Variants in GRIN2B observed in about 807,000 individuals in gnomAD.
GRIN2B encodes glutamate ionotropic receptor NMDA type subunit 2B.
In GRIN2B, 5 loss-of-function variants were observed where a neutral mutation model predicts 114.5. That is an observed-to-expected ratio of 0.04 (90% CI 0.02 to 0.09). GRIN2B has a LOEUF of 0.09. Ranked by LOEUF, GRIN2B falls within the 10% of genes least tolerant of loss-of-function variation. The pLI, the probability that GRIN2B is intolerant of heterozygous loss-of-function variation, is 1.00. For missense variants in GRIN2B, 1,108 were observed against 1,943.5 expected (o/e 0.57, Z 8.08); for synonymous variants, 787 against 745.1 (o/e 1.06, Z -0.92).
At chr12:13,975,242 G>A (rs946213438) in intron 2 of GRIN2B, among the ~76,000 whole-genome samples, 5 of 152,338 alleles carry the variant, frequency 3.3e-5, no homozygotes, top group African/African-American at 9.6e-5. Flanking sequence ...CAACTCTGGC[G>A]TCAACTGATA....
At chr12:13,616,376 C>T in intron 6 of GRIN2B, 79 bp downstream of exon 6, 1 of 1,031,196 alleles carries the variant, frequency 9.7e-7, no homozygotes, top group Non-Finnish European at 1.5e-6. Flanking sequence ...TGCCTCAGGT[C>T]TCAGGCCAGC....
chr12:13,573,619 G>C (rs550993000), intron 10 of GRIN2B, among the ~76,000 whole-genome samples: 2 of 125,552 alleles, frequency 1.6e-5, no homozygotes, highest in African/African-American at 6.3e-5. Context: ...CTGTGCTTTG[G>C]CATCGGAACG....
intron 3 of GRIN2B, among the ~76,000 whole-genome samples, chr12:13,856,977 A>G (rs1865672538): frequency 6.6e-6 from 1 of 152,182 alleles, no homozygotes; most frequent in South Asian, 2.1e-4. Flanking sequence ...CAAATCTGTG[A>G]CAAATCTAAT....
At chr12:13,968,493 G>A (rs1867825724) in intron 2 of GRIN2B, among the ~76,000 whole-genome samples, 1 of 152,108 alleles carries the variant, frequency 6.6e-6, no homozygotes, top group Admixed American at 6.5e-5. Flanking sequence ...GGCCAGGGTG[G>A]GGCCAAGATG....
chr12:13,593,162 C>T (rs1272004618), intron 10 of GRIN2B, among the ~76,000 whole-genome samples: 2 of 152,162 alleles, frequency 1.3e-5, no homozygotes, highest in African/African-American at 2.4e-5. Context: ...GATCAAGCTA[C>T]CATTGACTTT....
chr12:13,914,447 T>C (rs887646948), intron 2 of GRIN2B, among the ~76,000 whole-genome samples: 9 of 152,132 alleles, frequency 5.9e-5, no homozygotes, highest in African/African-American at 2.2e-4. Context: ...TGTGGAGAAA[T>C]GGGAACCCTC....
chr12:13,905,243 T>G (rs1334303378), intron 2 of GRIN2B, among the ~76,000 whole-genome samples: 1 of 152,186 alleles, frequency 6.6e-6, no homozygotes, highest in African/African-American at 2.4e-5. Flanking sequence ...GGGGAAGGTC[T>G]CTCCCTGCTG....
At chr12:13,607,890 A>C (rs1378403065) in intron 10 of GRIN2B, among the ~76,000 whole-genome samples, 1 of 152,152 alleles carries the variant, frequency 6.6e-6, no homozygotes, top group African/African-American at 2.4e-5. Flanking sequence ...GTTTCAGGAG[A>C]CAGATCTCCC....
At chr12:13,781,591 G>A (rs1864114682) in intron 3 of GRIN2B, among the ~76,000 whole-genome samples, 1 of 152,202 alleles carries the variant, frequency 6.6e-6, no homozygotes, top group Non-Finnish European at 1.5e-5. Context: ...AAGCTGCTTA[G>A]TTTGAAGAAG....
chr12:13,776,590 C>G (rs1864007883), intron 3 of GRIN2B, among the ~76,000 whole-genome samples: 1 of 152,004 alleles, frequency 6.6e-6, no homozygotes, highest in African/African-American at 2.4e-5. Context: ...TACACGACAG[C>G]ACACATGTGC....
intron 2 of GRIN2B, among the ~76,000 whole-genome samples, chr12:13,889,575 G>A (rs573659565): frequency 2.7e-4 from 41 of 152,202 alleles, no homozygotes; most frequent in African/African-American, 9.6e-4. Flanking sequence ...GACAAATCAC[G>A]AGCAAGAGGT....
intron 3 of GRIN2B, among the ~76,000 whole-genome samples, chr12:13,759,007 T>C (rs1239695232): frequency 7.2e-6 from 1 of 138,416 alleles, no homozygotes; most frequent in Non-Finnish European, 1.6e-5. Flanking sequence ...AATTTTTTTT[T>C]TTTTTTTTTT....
chr12:13,735,674 A>G (rs1863163998), intron 4 of GRIN2B, among the ~76,000 whole-genome samples: 1 of 152,180 alleles, frequency 6.6e-6, no homozygotes, highest in Admixed American at 6.5e-5. Context: ...TGCTCAGGGG[A>G]CTAAGCACCT....
intron 3 of GRIN2B, among the ~76,000 whole-genome samples, chr12:13,862,256 C>T (rs2136742217): frequency 6.6e-6 from 1 of 152,332 alleles, no homozygotes; most frequent in Admixed American, 6.5e-5. Context: ...AACTGCTGAA[C>T]TGTGTCTGTG....
At chr12:13,806,349 C>A (rs897231232) in intron 3 of GRIN2B, among the ~76,000 whole-genome samples, 1 of 152,066 alleles carries the variant, frequency 6.6e-6, no homozygotes, top group South Asian at 2.1e-4. Context: ...CCACGGTGTG[C>A]AAGTTATGTT....
At chr12:13,845,440 G>C (rs1172127572) in intron 3 of GRIN2B, among the ~76,000 whole-genome samples, 1 of 152,154 alleles carries the variant, frequency 6.6e-6, no homozygotes, top group African/African-American at 2.4e-5. Context: ...AATCAGGAGA[G>C]AGAAGAGATA....
At chr12:13,774,684 G>T (rs1863969959) in intron 3 of GRIN2B, among the ~76,000 whole-genome samples, 2 of 152,146 alleles carry the variant, frequency 1.3e-5, no homozygotes, top group Admixed American at 6.6e-5. Flanking sequence ...GGACATGTCT[G>T]GCAAACAGTT....
chr12:13,830,433 C>T (rs1205323584), intron 3 of GRIN2B, among the ~76,000 whole-genome samples: 2 of 152,114 alleles, frequency 1.3e-5, no homozygotes, highest in Admixed American at 6.5e-5. Context: ...CCATTTCTTT[C>T]ATTTCTTAAT....
intron 2 of GRIN2B, among the ~76,000 whole-genome samples, chr12:13,921,730 CTACTGGGATGCCAGA>C (rs1866828043): frequency 6.6e-6 from 1 of 152,084 alleles, no homozygotes; most frequent in Non-Finnish European, 1.5e-5. Flanking sequence ...TTTTCTTAGC[CTACTGGGATGCCAGA>C]TCCTTGGTGG....
Sources: allele counts gnomAD v4.1 joint callset (sites outside exome capture counted in the v4.1 genomes callset), GRCh38; gene constraint gnomAD v4.1.1; transcripts MANE v1.5; gene names NCBI Gene and HGNC (gene_info 2026-07-23, HGNC 2026-07-21).